Variants in PTPRD observed in about 807,000 individuals in gnomAD.
The protein encoded by PTPRD is receptor-type tyrosine-protein phosphatase delta.
Under a neutral mutation model 214.5 loss-of-function variants are expected in PTPRD, and 34 were observed. The ratio of observed to expected loss-of-function variants is 0.16; its 90% CI spans 0.12 to 0.21. The LOEUF (loss-of-function observed/expected upper bound fraction) is 0.21. PTPRD is among the 10% of genes least tolerant of loss of function. PTPRD has a pLI of 1.00. For missense variants in PTPRD, 2,545 were observed against 2,398.7 expected (o/e 1.06, Z -1.27); for synonymous variants, 1,128 against 845.7 (o/e 1.33, Z -5.79).
chr9:9,873,223 A>C (rs2065947999), intron 5 of PTPRD, among the ~76,000 whole-genome samples: 2 of 152,178 alleles, frequency 1.3e-5, no homozygotes, highest in South Asian at 4.1e-4. Context: ...TAACATGGAA[A>C]GATAAACTGT....
chr9:9,154,613 C>A (rs1391429691), intron 10 of PTPRD, among the ~76,000 whole-genome samples: 1 of 152,034 alleles, frequency 6.6e-6, no homozygotes, highest in Non-Finnish European at 1.5e-5. Flanking sequence ...TTAATGGGAC[C>A]AAAACTTCAG....
intron 2 of PTPRD, among the ~76,000 whole-genome samples, chr9:10,592,374 G>C (rs150607940): frequency 6.6e-6 from 1 of 152,028 alleles, no homozygotes; most frequent in African/African-American, 2.4e-5. Context: ...AGAAAAGGCT[G>C]TTTAAAATGA....
At chr9:10,558,462 T>A (rs2131403457) in intron 2 of PTPRD, among the ~76,000 whole-genome samples, 1 of 152,210 alleles carries the variant, frequency 6.6e-6, no homozygotes, top group South Asian at 2.1e-4. Flanking sequence ...CATACACATT[T>A]CATCATGTTG....
intron 35 of PTPRD, among the ~76,000 whole-genome samples, chr9:8,420,391 A>G (rs2094271924): frequency 6.6e-6 from 1 of 152,076 alleles, no homozygotes; most frequent in African/African-American, 2.4e-5. Flanking sequence ...TTTTATTTTT[A>G]TTTATTTTTA....
intron 11 of PTPRD, among the ~76,000 whole-genome samples, chr9:9,011,421 A>G (rs973835113): frequency 1.3e-5 from 2 of 152,206 alleles, no homozygotes; most frequent in Non-Finnish European, 1.5e-5. Context: ...ATATAATTAC[A>G]TAGGATATAA....
At chr9:9,554,691 A>G (rs556928720) in intron 8 of PTPRD, among the ~76,000 whole-genome samples, 4 of 152,150 alleles carry the variant, frequency 2.6e-5, no homozygotes, top group African/African-American at 9.6e-5. Context: ...CTTCAAATGA[A>G]TAAGAATCTC....
At chr9:8,747,024 T>C (rs868864406) in intron 11 of PTPRD, among the ~76,000 whole-genome samples, 2 of 152,306 alleles carry the variant, frequency 1.3e-5, no homozygotes, top group South Asian at 4.1e-4. Context: ...TGCCTAATTG[T>C]TATCTGGTGC....
At chr9:8,775,125 T>A (rs2095417578) in intron 11 of PTPRD, among the ~76,000 whole-genome samples, 1 of 152,160 alleles carries the variant, frequency 6.6e-6, no homozygotes, top group Non-Finnish European at 1.5e-5. Flanking sequence ...TTTGAATCAA[T>A]TAATTGTATT....
chr9:10,471,077 T>C (rs947707016), intron 2 of PTPRD, among the ~76,000 whole-genome samples: 6 of 152,040 alleles, frequency 3.9e-5, no homozygotes, highest in Non-Finnish European at 7.4e-5. Flanking sequence ...TTCTCACTTA[T>C]AAGCGGGAGT....
intron 2 of PTPRD, among the ~76,000 whole-genome samples, chr9:10,400,483 C>G (rs1321104748): frequency 6.6e-6 from 1 of 151,256 alleles, no homozygotes; most frequent in African/African-American, 2.4e-5. Context: ...TAGCTAGCAC[C>G]AAAAGTAATA....
At chr9:9,957,362 G>T (rs1440967551) in intron 4 of PTPRD, among the ~76,000 whole-genome samples, 1 of 151,914 alleles carries the variant, frequency 6.6e-6, no homozygotes, top group Non-Finnish European at 1.5e-5. Context: ...TAACAAGAAA[G>T]GACTTGTACA....
intron 12 of PTPRD, among the ~76,000 whole-genome samples, chr9:8,699,542 T>G (rs906773561): frequency 1.3e-5 from 2 of 152,166 alleles, no homozygotes; most frequent in Non-Finnish European, 2.9e-5. Flanking sequence ...TTGGACAAGT[T>G]TGAAAATAAT....
chr9:8,819,188 T>C (rs1445501466), intron 11 of PTPRD, among the ~76,000 whole-genome samples: 2 of 152,196 alleles, frequency 1.3e-5, no homozygotes, highest in African/African-American at 4.8e-5. Flanking sequence ...TCTTGAGTAT[T>C]CCATTATTAA....
chr9:8,880,639 C>A (rs567060844), intron 11 of PTPRD, among the ~76,000 whole-genome samples: 8 of 152,168 alleles, frequency 5.3e-5, no homozygotes, highest in African/African-American at 1.7e-4. Flanking sequence ...CCTTTGCCAA[C>A]TCATGCTGTT....
intron 3 of PTPRD, among the ~76,000 whole-genome samples, chr9:10,166,633 G>A (rs1170714660): frequency 1.3e-5 from 2 of 151,914 alleles, no homozygotes; most frequent in Admixed American, 1.3e-4. Flanking sequence ...CATAAACTCT[G>A]CTGTGAGTTC....
At chr9:10,545,347 A>G (rs2059964531) in intron 2 of PTPRD, among the ~76,000 whole-genome samples, 1 of 152,130 alleles carries the variant, frequency 6.6e-6, no homozygotes, top group Non-Finnish European at 1.5e-5. Flanking sequence ...GTATTGTTAG[A>G]TATATAGTTT....
chr9:10,345,844 C>A lies in PTPRD; in HGVS notation c.-599-4827G>T, dbSNP rs141338962. ...GGATCCTTGAACAATCGCCACATGTCTTCCACATGCTTGAAGTAATTTACA... is the reference window on the plus strand; with the variant it reads ...GGATCCTTGAACAATCGCCACATGTATTCCACATGCTTGAAGTAATTTACA... On this transcript the variant is annotated intron_variant, in intron 2 of 45. Transcript: ENST00000381196. Among the ~76,000 whole-genome samples, 1,304 of 152,260 alleles carry A rather than the reference C, an allele frequency of 8.6e-3. 10 individuals carry two copies. The highest frequency in any genetic ancestry group is 0.013 in the Non-Finnish European group (868 of 68,010).
At chr9:8,344,163 T>C (rs2132680967) in intron 39 of PTPRD, among the ~76,000 whole-genome samples, 1 of 152,218 alleles carries the variant, frequency 6.6e-6, no homozygotes, top group East Asian at 1.9e-4. Flanking sequence ...GTTCTTTCTG[T>C]GTTGTCTTTC....
intron 8 of PTPRD, among the ~76,000 whole-genome samples, chr9:9,543,125 A>T (rs1405645228): frequency 4.6e-5 from 7 of 151,732 alleles, no homozygotes; most frequent in African/African-American, 1.4e-4. Flanking sequence ...TTAGCCATAA[A>T]AAGGAATGGG....
Sources: allele counts gnomAD v4.1 joint callset (sites outside exome capture counted in the v4.1 genomes callset), GRCh38; gene constraint gnomAD v4.1.1; transcripts MANE v1.5; gene names NCBI Gene and HGNC (gene_info 2026-07-23, HGNC 2026-07-21).